DNAJB5: variants seen among roughly 807,000 people sequenced by gnomAD.
The protein encoded by DNAJB5 is DnaJ heat shock protein family (Hsp40) member B5.
In DNAJB5, 12 loss-of-function variants were observed where a neutral mutation model predicts 32.6. The observed-to-expected ratio is 0.37, with a 90% CI of 0.24 to 0.60. DNAJB5 has a LOEUF of 0.60. Among genes scored for constraint, DNAJB5 ranks in the 20% least tolerant of loss-of-function variants. The pLI is 0.71. For synonymous variants in DNAJB5, 188 were observed against 212.9 expected (o/e 0.88, Z 1.02); for missense variants, 358 against 554.2 (o/e 0.65, Z 3.55).
rs779613596 is a variant in DNAJB5, at chr9:34,996,764, C to T, written c.927C>T (p.Asn309=). The stretch of plus-strand genomic sequence containing the variant: ...AAGAAGGCGACGCCACACCTGACAA[C>T]ATCCCTGCTGACATCGTCTTTGTGC... ...FPKEGDATPD[N]IPADIVFVLK... Residue 309 remains asparagine (N), a synonymous_variant, in exon 4 of 5, where the codon AAC becomes AAT. Coordinates refer to ENST00000682809, the MANE Select transcript of DNAJB5 (RefSeq NM_001349723.3). The surrounding 1 kb of genome is among the most constrained non-coding windows in gnomAD (Gnocchi z 7.2). The T allele has an allele frequency of 1.9e-6, 3 of 1,614,156 alleles. No individual in the cohort carries two copies. In the African/African-American group the frequency reaches 4.0e-5, roughly 22 times the overall value.
At position 34,990,846 on chromosome 9, in the gene DNAJB5, T is replaced by C; in HGVS notation, c.182+34T>C. On this transcript the variant is annotated intron_variant, in intron 2 of 4. Transcript: ENST00000682809. The surrounding 1 kb of genome is among the most constrained non-coding windows in gnomAD (Gnocchi z 4.5). The stretch of plus-strand genomic sequence containing the variant: ...CTCCGGAGAAGGGCACTCACACCCA[T>C]ACCCAGTCAAACCCTCCACGCGGCC... The C allele has an allele frequency of 2.0e-6, 3 of 1,528,770 alleles. No individual in the cohort carries two copies. Among genetic ancestry groups the C allele is most frequent in the Non-Finnish European group, 2.6e-6 (3 of 1,136,250 alleles). The allele number at this position is 1,528,770 out of a possible 1,614,324, so 94.7% of individuals were successfully genotyped here. A position where few individuals can be genotyped will look rare whatever the true frequency, so the allele number is the denominator to read the frequency against.
At position 34,990,769 on chromosome 9, in the gene DNAJB5, T is replaced by C. The variant is rs1442180550; in HGVS notation, c.139T>C (p.Leu47=). Residue 47 remains leucine, a synonymous_variant, in exon 2 of 5, where the codon TTA becomes CTA. Coordinates refer to ENST00000682809, the MANE Select transcript of DNAJB5 (RefSeq NM_001349723.3). This position sits in a 1 kb window ranked among gnomAD's most constrained non-coding sequence, Gnocchi z 4.5. ...SLMFKIQLEP[L]KLRAWTLNGF... ...GATGTTTAAAATTCAGCTGGAGCCC[T>C]TAAAACTTCGAGCGTGGACGCTGAA... 6.4e-7 allele frequency: 1 copy of C among 1,551,658 alleles called. No individual in the cohort carries two copies. Among genetic ancestry groups the C allele is most frequent in the South Asian group, 1.2e-5 (1 of 84,058 alleles).
rs750012339 is a variant in DNAJB5, at chr9:34,993,194, T to C, written c.183-6T>C. On this transcript the variant is annotated splice_polypyrimidine_tract_variant and splice_region_variant and intron_variant, in intron 2 of 4. Coordinates refer to ENST00000682809, the MANE Select transcript of DNAJB5 (RefSeq NM_001349723.3). This position sits in a 1 kb window ranked among gnomAD's most constrained non-coding sequence, Gnocchi z 4.7. Reference sequence around the variant, plus strand: ...GCATCAAGTCTTGGCCCTGGGTTTCTTTCAGAAACAAGGAGACCAGTGCTG... The same window carrying C: ...GCATCAAGTCTTGGCCCTGGGTTTCCTTCAGAAACAAGGAGACCAGTGCTG... 1 of 1,606,866 alleles carries C rather than the reference T, an allele frequency of 6.2e-7. No homozygotes were observed. Among genetic ancestry groups the C allele is most frequent in the Non-Finnish European group, 8.5e-7 (1 of 1,177,382 alleles).
Position 34,997,529 on chromosome 9 carries a change from C to T in DNAJB5, c.*270C>T, listed in dbSNP as rs774718576. 1.2e-5 allele frequency: 7 copies of T among 591,080 alleles called. No individual in the cohort carries two copies. Among genetic ancestry groups the T allele is most frequent in the Non-Finnish European group, 2.2e-5 (7 of 321,686 alleles). 36.6% of individuals were successfully genotyped at this position (591,080 alleles called of 1,614,324 possible). A position where few individuals can be genotyped will look rare whatever the true frequency, so the allele number is the denominator to read the frequency against. On this transcript the variant is annotated 3_prime_UTR_variant, in exon 5 of 5. Transcript: ENST00000682809. This position sits in a 1 kb window ranked among gnomAD's most constrained non-coding sequence, Gnocchi z 4.1. ...TTCAATCCAGTTTCCACTGCAGTGG[C>T]TGGAGAGTGACCTGAGTGCTACTTG...
At chr9:34,998,809 CTTTTTTTTTTTTT>C (rs773947205), downstream of DNAJB5, 1 of 108,154 alleles carries the variant, frequency 9.2e-6, no homozygotes, top group East Asian at 2.9e-4. Context: ...GGGTGGAGAA[CTTTTTTTTTTTTT>C]TTTTTTTTTT....
At position 34,989,766 on chromosome 9, in the gene DNAJB5, G is replaced by T; in HGVS notation, c.-198G>T. The T allele has an allele frequency of 8.1e-7, 1 of 1,231,438 alleles. No homozygotes were observed. The highest frequency in any genetic ancestry group is 1.0e-6 in the Non-Finnish European group (1 of 987,634). 76.3% of individuals were successfully genotyped at this position (1,231,438 alleles called of 1,614,324 possible). On this transcript the variant is annotated 5_prime_UTR_variant, in exon 1 of 5. Coordinates refer to ENST00000682809, the MANE Select transcript of DNAJB5 (RefSeq NM_001349723.3). ...TCCTGTCCCGGGTGGAGGCGGCGGA[G>T]CCGGAGCCGGGGGAGGGGGCAGCGG...
intron 2 of DNAJB5, chr9:34,992,897 G>A (rs1410610335): frequency 8.1e-7 from 1 of 1,228,128 alleles, no homozygotes; most frequent in Non-Finnish European, 1.0e-6. Context: ...GGCCTCTCAG[G>A]GGTCCTCAGT....
At chr9:34,991,674 C>CCCCA (rs1554662736) in intron 2 of DNAJB5, 1 of 240,808 alleles carries the variant, frequency 4.2e-6, no homozygotes, top group South Asian at 3.1e-5. Context: ...GGTTGCCCCC[C>CCCCA]CCCCCAACGA....
Position 34,991,622 on chromosome 9 carries a change from C to T in DNAJB5, c.182+810C>T, listed in dbSNP as rs1022156996. On this transcript the variant is annotated intron_variant, in intron 2 of 4. Transcript: ENST00000682809. ...AGGCAGAAATGGCAGACCACCCCCC[C>T]CCGCTCCCTCTCAGACGGCTTTTGC... is the stretch of plus-strand genomic sequence containing the variant. The T allele has an allele frequency of 2.1e-5, 4 of 194,458 alleles. 1 individual carries two copies. The highest frequency in any genetic ancestry group is 1.4e-4 in the Admixed American group (2 of 14,156). The allele number at this position is 194,458 out of a possible 1,614,324, so 12.0% of individuals were successfully genotyped here. A position where few individuals can be genotyped will look rare whatever the true frequency, so the allele number is the denominator to read the frequency against.
chr9:34,992,248 G>T (rs1563948948), intron 2 of DNAJB5: 1 of 152,262 alleles, frequency 6.6e-6, no homozygotes, highest in East Asian at 1.9e-4. Context: ...CCTTAAAAGG[G>T]ACTCAGAGGA....
chr9:34,996,461 C>T lies in DNAJB5; in HGVS notation c.624C>T (p.Asp208=), dbSNP rs1383623366. 2 of 1,614,074 alleles carry T rather than the reference C, an allele frequency of 1.2e-6. No individual in the cohort carries two copies. The highest frequency in any genetic ancestry group is 1.7e-6 in the Non-Finnish European group (2 of 1,180,050). The change falls in exon 4 of 5, where the codon GAC becomes GAT. Residue 208 remains aspartate (D), a synonymous_variant. Coordinates refer to ENST00000682809, the MANE Select transcript of DNAJB5 (RefSeq NM_001349723.3). The surrounding 1 kb of genome is among the most constrained non-coding windows in gnomAD (Gnocchi z 7.2). The part of the protein sequence containing the change: ...PDDMDVDEDE[D]PFGAFGRFGF... ...ACATGGATGTGGATGAAGATGAGGACCCATTTGGCGCTTTCGGCCGTTTTG... is the reference window on the plus strand; with the variant it reads ...ACATGGATGTGGATGAAGATGAGGATCCATTTGGCGCTTTCGGCCGTTTTG...
intron 1 of DNAJB5, 97 bp downstream of exon 1, chr9:34,989,928 G>A (rs1827572459): frequency 8.0e-7 from 1 of 1,253,700 alleles, no homozygotes; most frequent in Admixed American, 3.7e-5. Flanking sequence ...AGGGCCCGTA[G>A]GCTCTGCTGC....
rs758931809 is a variant in DNAJB5, at chr9:34,996,497, G to T, written c.660G>T (p.Gly220=). 1.5e-5 allele frequency: 24 copies of T among 1,614,040 alleles called. No individual in the cohort carries two copies. The highest frequency in any genetic ancestry group is 1.7e-6 in the Non-Finnish European group (2 of 1,180,040). Residue 220 remains glycine, a synonymous_variant, in exon 4 of 5, where the codon GGG becomes GGT. Transcript: ENST00000682809. This position sits in a 1 kb window ranked among gnomAD's most constrained non-coding sequence, Gnocchi z 7.2. ...CTTTCGGCCGTTTTGGCTTCAATGG[G>T]CTGAGTAGGGGTCCAAGGCGAGCCC... ...FGAFGRFGFN[G]LSRGPRRAPE... is the part of the protein sequence containing the mutation.
intron 2 of DNAJB5, chr9:34,991,708 C>T (rs1827650495): frequency 3.6e-6 from 1 of 276,384 alleles, no homozygotes; most frequent in African/African-American, 2.5e-5. Context: ...CTCTGCCTCT[C>T]CCAACCCCAC....
intron 2 of DNAJB5, chr9:34,992,902 C>T: frequency 3.2e-6 from 4 of 1,239,558 alleles, no homozygotes; most frequent in Non-Finnish European, 4.1e-6. Context: ...CTCAGGGGTC[C>T]TCAGTCTGGC....
chr9:34,992,994 C>T (rs375612229), intron 2 of DNAJB5: 52 of 1,404,472 alleles, frequency 3.7e-5, no homozygotes, highest in African/African-American at 1.4e-4. Context: ...GAGGTGAGGA[C>T]GGAATCACAG....
In DNAJB5 at chr9:34,997,488, G is replaced by A; in HGVS notation, c.*229G>A. The A allele has an allele frequency of 4.5e-6, 3 of 668,854 alleles. No individual in the cohort carries two copies. 41.4% of individuals were successfully genotyped at this position (668,854 alleles called of 1,614,324 possible). A position where few individuals can be genotyped will look rare whatever the true frequency, so the allele number is the denominator to read the frequency against. On this transcript the variant is annotated 3_prime_UTR_variant, in exon 5 of 5. Coordinates refer to ENST00000682809, the MANE Select transcript of DNAJB5 (RefSeq NM_001349723.3). This position sits in a 1 kb window ranked among gnomAD's most constrained non-coding sequence, Gnocchi z 4.1. Reference sequence around the variant, plus strand: ...GAGCTAGCCCAGGCCAGGGGTCAATGTTCATGTCACTAGCTTTCAATCCAG... The same window carrying A: ...GAGCTAGCCCAGGCCAGGGGTCAATATTCATGTCACTAGCTTTCAATCCAG...
intron 2 of DNAJB5, chr9:34,992,727 C>T: frequency 1.0e-6 from 1 of 953,630 alleles, no homozygotes; most frequent in Non-Finnish European, 1.3e-6. Context: ...CAGGCCTGTT[C>T]CCGGTCCTGG....
At position 34,993,732 on chromosome 9, in the gene DNAJB5, G is replaced by A. The variant is rs1827718543; in HGVS notation, c.427+288G>A. On this transcript the variant is annotated intron_variant, in intron 3 of 4. Coordinates refer to ENST00000682809, the MANE Select transcript of DNAJB5 (RefSeq NM_001349723.3). The surrounding 1 kb of genome is among the most constrained non-coding windows in gnomAD (Gnocchi z 4.7). ...CCTTCTTTCCTTCCCAGCCTTATTA[G>A]TCCTGCCTGAAGTCTCCGCTGCTTC... Among the ~76,000 whole-genome samples the A allele has an allele frequency of 6.6e-6, 1 of 152,142 alleles. No individual in the cohort carries two copies. The highest frequency in any genetic ancestry group is 2.4e-5 in the African/African-American group (1 of 41,418).
Sources: allele counts gnomAD v4.1 joint callset (sites outside exome capture counted in the v4.1 genomes callset), GRCh38; gene constraint gnomAD v4.1.1; non-coding constraint Gnocchi (gnomAD v3.1); transcripts MANE v1.5; gene names NCBI Gene and HGNC (gene_info 2026-07-23, HGNC 2026-07-21).